Variants in CACNA2D3 observed in about 807,000 individuals in gnomAD.
CACNA2D3 encodes voltage-dependent calcium channel subunit alpha-2/delta-3.
CACNA2D3 carries 60 observed loss-of-function variants against 160.6 expected under a neutral mutation model. The ratio of observed to expected loss-of-function variants is 0.37; its 90% CI spans 0.30 to 0.46. The LOEUF (loss-of-function observed/expected upper bound fraction) is 0.46, where lower values mean the gene tolerates loss of function less well. Ranked by LOEUF, CACNA2D3 falls within the 20% of genes least tolerant of loss-of-function variation. CACNA2D3 has a pLI of 1.00. For missense variants in CACNA2D3, 1,205 were observed against 1,365.0 expected, an observed-to-expected ratio of 0.88 and a Z score of 1.85; for synonymous variants, 558 against 492.9, an observed-to-expected ratio of 1.13 and a Z score of -1.75.
At chr3:54,287,996 C>G (rs1295738507) in intron 2 of CACNA2D3, among the ~76,000 whole-genome samples, 12 of 151,640 alleles carry the variant, frequency 7.9e-5, no homozygotes, top group Non-Finnish European at 1.3e-4. Flanking sequence ...AATTGACACC[C>G]TAACATCACA....
chr3:54,959,491 A>G (rs763167888), intron 27 of CACNA2D3, among the ~76,000 whole-genome samples: 2 of 148,290 alleles, frequency 1.3e-5, no homozygotes, highest in African/African-American at 2.4e-5. Context: ...CAACTCAGAG[A>G]TGTTTGGCAA....
At chr3:54,327,475 G>C (rs1242954985) in intron 3 of CACNA2D3, among the ~76,000 whole-genome samples, 1 of 152,188 alleles carries the variant, frequency 6.6e-6, no homozygotes, top group East Asian at 1.9e-4. Flanking sequence ...TAGAACCATT[G>C]CATCAAACCC....
intron 2 of CACNA2D3, among the ~76,000 whole-genome samples, chr3:54,278,984 C>A (rs1011579498): frequency 6.6e-6 from 1 of 152,164 alleles, no homozygotes; most frequent in Non-Finnish European, 1.5e-5. Context: ...GTACCACACA[C>A]ACAAAAACAC....
At chr3:54,998,617 C>A (rs1306667086) in intron 31 of CACNA2D3, among the ~76,000 whole-genome samples, 1 of 152,194 alleles carries the variant, frequency 6.6e-6, no homozygotes, top group East Asian at 1.9e-4. Context: ...TTTCTTGTTG[C>A]TCCCCATTCA....
At chr3:54,780,062 G>A (rs1225836899) in intron 13 of CACNA2D3, among the ~76,000 whole-genome samples, 1 of 152,138 alleles carries the variant, frequency 6.6e-6, no homozygotes, top group African/African-American at 2.4e-5. Flanking sequence ...CTCCCTGTCT[G>A]TACTATACTT....
chr3:55,062,226 C>A (rs1291074817), intron 35 of CACNA2D3, among the ~76,000 whole-genome samples: 1 of 151,916 alleles, frequency 6.6e-6, no homozygotes, highest in Non-Finnish European at 1.5e-5. Context: ...CTCAAGTGAT[C>A]CTCCTGCCTC....
intron 31 of CACNA2D3, among the ~76,000 whole-genome samples, chr3:54,988,082 C>G (rs772353269): frequency 1.8e-4 from 28 of 152,114 alleles, no homozygotes; most frequent in Non-Finnish European, 3.4e-4. Context: ...TTCACCTGGC[C>G]GGAAGGGTGG....
Position 54,984,625 on chromosome 3 carries a change from C to G in CACNA2D3, c.2574C>G (p.Leu858=), listed in dbSNP as rs1407435956. The change falls in exon 30 of 38, where the codon CTC becomes CTG. Residue 858 remains leucine, a synonymous_variant. Transcript: ENST00000474759. ...SCDDETVNCY[L]IDNNGFILVS... is the part of the protein sequence containing the mutation. ...TTTTCTAGACTGTGAATTGTTACCT[C>G]ATAGACAATAATGGATTTATTTTGG... 1.9e-6 allele frequency: 3 copies of G among 1,553,566 alleles called. No individual in the cohort carries two copies. In the African/African-American group the frequency reaches 4.1e-5, roughly 21 times the overall value.
intron 4 of CACNA2D3, among the ~76,000 whole-genome samples, chr3:54,496,396 G>A (rs1354836579): frequency 6.6e-6 from 1 of 152,120 alleles, no homozygotes; most frequent in Non-Finnish European, 1.5e-5. Flanking sequence ...GTACTTTCCT[G>A]ATGACTAATG....
intron 14 of CACNA2D3, among the ~76,000 whole-genome samples, chr3:54,830,601 G>T (rs572797319): frequency 6.6e-6 from 1 of 151,604 alleles, no homozygotes; most frequent in South Asian, 2.1e-4. Context: ...TTACAGGAGT[G>T]CCCCCACCAC....
At chr3:54,870,640 C>T (rs1168726415) in intron 17 of CACNA2D3, among the ~76,000 whole-genome samples, 2 of 152,136 alleles carry the variant, frequency 1.3e-5, no homozygotes, top group African/African-American at 4.8e-5. Context: ...GGGTGACTAA[C>T]ACCAGTGATT....
At chr3:54,945,010 A>T (rs1282818821) in intron 27 of CACNA2D3, among the ~76,000 whole-genome samples, 2 of 152,192 alleles carry the variant, frequency 1.3e-5, no homozygotes, top group African/African-American at 2.4e-5. Context: ...TGGGTGAATC[A>T]ATGAAAACTT....
intron 27 of CACNA2D3, among the ~76,000 whole-genome samples, chr3:54,931,949 G>A (rs1701201317): frequency 6.6e-6 from 1 of 152,138 alleles, no homozygotes; most frequent in Admixed American, 6.5e-5. Flanking sequence ...GGGAGGCTAA[G>A]GTGGGTGGAT....
chr3:54,505,327 A>T (rs577579309), intron 5 of CACNA2D3, among the ~76,000 whole-genome samples: 1 of 152,350 alleles, frequency 6.6e-6, no homozygotes, highest in South Asian at 2.1e-4. Context: ...GGACAGTGGG[A>T]GTGCCAAGGA....
At chr3:54,684,652 A>T (rs920942733) in intron 11 of CACNA2D3, among the ~76,000 whole-genome samples, 1 of 152,172 alleles carries the variant, frequency 6.6e-6, no homozygotes, top group Non-Finnish European at 1.5e-5. Context: ...GATAGTGTAG[A>T]TATCTGATCA....
chr3:54,454,919 C>T (rs753644915), intron 4 of CACNA2D3, among the ~76,000 whole-genome samples: 12 of 151,984 alleles, frequency 7.9e-5, no homozygotes, highest in Non-Finnish European at 1.0e-4. Context: ...CAGCAAGTGA[C>T]GGAATTTCTT....
chr3:54,918,744 G>T, intron 27 of CACNA2D3: 1 of 1,614,154 alleles, frequency 6.2e-7, no homozygotes, highest in Non-Finnish European at 8.5e-7. Context: ...GGACCACACC[G>T]TGGGCAGAGC....
At chr3:54,319,015 G>A (rs1051141182) in intron 2 of CACNA2D3, among the ~76,000 whole-genome samples, 3 of 152,066 alleles carry the variant, frequency 2.0e-5, no homozygotes, top group African/African-American at 7.2e-5. Context: ...AGGATCTGAA[G>A]AATTCTCTCT....
chr3:54,288,459 C>T (rs1254263684), intron 2 of CACNA2D3, among the ~76,000 whole-genome samples: 1 of 152,184 alleles, frequency 6.6e-6, no homozygotes, highest in Non-Finnish European at 1.5e-5. Context: ...GAGTCCAGGA[C>T]CAGATGGATT....
Sources: gnomAD v4.1 joint callset for allele counts (sites outside exome capture counted in the v4.1 genomes callset) on GRCh38, gnomAD v4.1.1 for gene constraint, MANE v1.5 for transcripts, NCBI Gene and HGNC (gene_info 2026-07-23, HGNC 2026-07-21) for gene names.